Variants in ERBIN observed in about 807,000 individuals in gnomAD.
The protein encoded by ERBIN is densin-180-like protein.
ERBIN carries 60 observed loss-of-function variants against 158.4 expected under a neutral mutation model. The observed-to-expected ratio is 0.38, with a 90% CI of 0.31 to 0.47. The LOEUF (loss-of-function observed/expected upper bound fraction) is 0.47. Among genes scored for constraint, ERBIN ranks in the 20% least tolerant of loss-of-function variants. The pLI is 0.99. For missense variants in ERBIN, 1,610 were observed against 1,648.0 expected (o/e 0.98, Z 0.40); for synonymous variants, 594 against 557.2 (o/e 1.07, Z -0.93).
intron 1 of ERBIN, among the ~76,000 whole-genome samples, chr5:65,949,707 C>A (rs990463568): frequency 1.3e-5 from 2 of 152,082 alleles, no homozygotes; most frequent in African/African-American, 2.4e-5. Flanking sequence ...AAGAAATTAA[C>A]CTTGATAAAA....
At chr5:66,012,956 TA>T (rs1181121129) in intron 5 of ERBIN, among the ~76,000 whole-genome samples, 1 of 152,202 alleles carries the variant, frequency 6.6e-6, no homozygotes, top group Non-Finnish European at 1.5e-5. Context: ...GAAAGTAATC[TA>T]AACCAGTGGT....
chr5:66,011,952 A>G (rs1267054882), intron 4 of ERBIN, 97 bp from the exon 5 acceptor site: 7 of 662,528 alleles, frequency 1.1e-5, no homozygotes, highest in South Asian at 4.7e-5. Flanking sequence ...GTTAATTGGT[A>G]TATTACTTTA....
intron 7 of ERBIN, among the ~76,000 whole-genome samples, chr5:66,020,132 C>T (rs928143650): frequency 6.6e-6 from 1 of 151,858 alleles, no homozygotes; most frequent in African/African-American, 2.4e-5. Flanking sequence ...TAGGTGAAAG[C>T]AGTTTTATAA....
At chr5:66,027,720 A>G (rs1220421816) in intron 13 of ERBIN, among the ~76,000 whole-genome samples, 1 of 152,050 alleles carries the variant, frequency 6.6e-6, no homozygotes, top group Non-Finnish European at 1.5e-5. Context: ...GGATTTGAGC[A>G]TCTGCAGATT....
At chr5:66,039,910 A>G (rs1336218371) in intron 15 of ERBIN, among the ~76,000 whole-genome samples, 3 of 151,896 alleles carry the variant, frequency 2.0e-5, no homozygotes, top group South Asian at 4.1e-4. Context: ...TCTAAATACA[A>G]GTCATCAGAT....
chr5:65,988,913 A>C (rs888319599), intron 2 of ERBIN, among the ~76,000 whole-genome samples: 1 of 145,052 alleles, frequency 6.9e-6, no homozygotes, highest in African/African-American at 2.6e-5. Flanking sequence ...AGCCTGGGAG[A>C]TCGAGGCTGC....
chr5:65,970,103 A>G (rs1018740344), intron 1 of ERBIN, among the ~76,000 whole-genome samples: 3 of 144,032 alleles, frequency 2.1e-5, no homozygotes, highest in African/African-American at 7.5e-5. Context: ...GTCAAATTAC[A>G]TAATCTAGTG....
intron 20 of ERBIN, among the ~76,000 whole-genome samples, chr5:66,052,393 ACAAT>A (rs1323651651): frequency 6.6e-6 from 1 of 152,178 alleles, no homozygotes; most frequent in Non-Finnish European, 1.5e-5. Flanking sequence ...AATTATAATC[ACAAT>A]CAATCATTTA....
intron 1 of ERBIN, among the ~76,000 whole-genome samples, chr5:65,966,549 G>A (rs1748640489): frequency 6.6e-6 from 1 of 151,762 alleles, no homozygotes; most frequent in Non-Finnish European, 1.5e-5. Context: ...GCATGGTGGC[G>A]CATGCCTGTA....
intron 21 of ERBIN, among the ~76,000 whole-genome samples, chr5:66,056,437 C>T (rs1759580471): frequency 2.0e-5 from 3 of 151,996 alleles, no homozygotes; most frequent in African/African-American, 7.2e-5. Context: ...GTGTAGTTTT[C>T]ATCTTATATG....
chr5:66,008,988 A>T (rs1383767229), intron 4 of ERBIN, among the ~76,000 whole-genome samples: 1 of 152,218 alleles, frequency 6.6e-6, no homozygotes, highest in African/African-American at 2.4e-5. Flanking sequence ...AAACATTTCC[A>T]CAGAATGACT....
At chr5:65,938,752 C>T (rs952051780) in intron 1 of ERBIN, among the ~76,000 whole-genome samples, 4 of 152,064 alleles carry the variant, frequency 2.6e-5, no homozygotes, top group Non-Finnish European at 5.9e-5. Context: ...GGGGTTTCAC[C>T]ATATTGGCCA....
In ERBIN at chr5:66,078,922, G is replaced by C. The variant is rs759356307; in HGVS notation, c.*392G>C. 1 of 169,718 alleles carries C rather than the reference G, an allele frequency of 5.9e-6. No individual in the cohort carries two copies. The highest frequency in any genetic ancestry group is 1.3e-5 in the Non-Finnish European group (1 of 79,572). The allele number at this position is 169,718 out of a possible 1,614,324, so 10.5% of individuals were successfully genotyped here. A position where few individuals can be genotyped will look rare whatever the true frequency, so the allele number is the denominator to read the frequency against. ...GAGCTATCTCTCTCATAGCTTTTAT[G>C]CCCTTATTTTTATTCAACTGGTATT... On this transcript the variant is annotated 3_prime_UTR_variant, in exon 26 of 26. Transcript: ENST00000284037.
At chr5:65,957,739 A>G (rs115588789) in intron 1 of ERBIN, among the ~76,000 whole-genome samples, 6,114 of 152,262 alleles carry the variant, frequency 0.04, 419 homozygotes, top group African/African-American at 0.14. Flanking sequence ...GTACACCTCT[A>G]AGATGGGGTG....
At chr5:65,929,379 T>G (rs902321192) in intron 1 of ERBIN, among the ~76,000 whole-genome samples, 6 of 152,218 alleles carry the variant, frequency 3.9e-5, no homozygotes, top group Non-Finnish European at 7.3e-5. Context: ...TGCTTTTGTT[T>G]TGGAAATAGA....
rs1309208508 is a variant in ERBIN, at chr5:66,053,482, G to A, written c.2164G>A (p.Ala722Thr). ...CAGTTCAACAGAGGAAAAGTTCAAA[G>A]CTCATGATAAAAAAGATTTTAACTT... The part of the protein sequence containing the change: ...LNSSTEEKFK[A>T]HDKKDFNLPE... The change falls in exon 21 of 26, where the codon GCT (alanine) becomes ACT (threonine). Residue 722 changes from alanine (A) to threonine (T), a missense_variant. By Grantham distance (58) the Ala-to-Thr change is moderately conservative (BLOSUM62 0). Around this residue, in one of 2 missense-constraint regions of ERBIN, gnomAD observed 1,014 missense variants for 936.1 expected, o/e 1.08. Transcript: ENST00000284037. 6.2e-7 allele frequency: 1 copy of A among 1,605,658 alleles called. No homozygotes were observed. The highest frequency in any genetic ancestry group is 1.7e-5 in the Admixed American group (1 of 57,432).
chr5:66,069,827 C>A (rs547514492), intron 21 of ERBIN, among the ~76,000 whole-genome samples: 2 of 152,080 alleles, frequency 1.3e-5, no homozygotes, highest in Admixed American at 1.3e-4. Context: ...GGGTCCTTTA[C>A]TTCTACCTGA....
chr5:66,062,503 C>T (rs560450907), intron 21 of ERBIN, among the ~76,000 whole-genome samples: 4 of 151,986 alleles, frequency 2.6e-5, no homozygotes, highest in Admixed American at 6.5e-5. Flanking sequence ...TCCTTTAGCT[C>T]GGAGTAGTTT....
At chr5:66,019,299 C>G (rs1755436375) in intron 7 of ERBIN, among the ~76,000 whole-genome samples, 1 of 152,032 alleles carries the variant, frequency 6.6e-6, no homozygotes, top group African/African-American at 2.4e-5. Flanking sequence ...ATGACTATAT[C>G]AAAGATTAGA....
Sources: allele counts gnomAD v4.1 joint callset (sites outside exome capture counted in the v4.1 genomes callset), GRCh38; gene constraint gnomAD v4.1.1; regional missense constraint gnomAD v4.1.1; transcripts MANE v1.5; gene names NCBI Gene and HGNC (gene_info 2026-07-23, HGNC 2026-07-21).